PRKCE: variants seen among roughly 807,000 people sequenced by gnomAD.
The protein encoded by PRKCE is protein kinase C epsilon type.
Under a neutral mutation model 85.4 loss-of-function variants are expected in PRKCE, and 16 were observed. The ratio of observed to expected loss-of-function variants is 0.19; its 90% CI spans 0.13 to 0.28. The LOEUF (loss-of-function observed/expected upper bound fraction) is 0.28. Among genes scored for constraint, PRKCE ranks in the 10% least tolerant of loss-of-function variants. The probability of loss-of-function intolerance (pLI) is 1.00; values close to 1 mark genes in which losing one functional copy is unlikely to be tolerated. For missense variants in PRKCE, 573 were observed against 975.2 expected (o/e 0.59, Z 5.49); for synonymous variants, 388 against 371.5 (o/e 1.04, Z -0.51).
At chr2:45,867,951 G>A (rs970465134) in intron 2 of PRKCE, among the ~76,000 whole-genome samples, 2 of 152,060 alleles carry the variant, frequency 1.3e-5, no homozygotes, top group African/African-American at 2.4e-5. Flanking sequence ...TCACTAGTTG[G>A]CCACAGGAAG....
chr2:46,077,141 A>G (rs1668627170), intron 10 of PRKCE, among the ~76,000 whole-genome samples: 1 of 149,990 alleles, frequency 6.7e-6, no homozygotes, highest in Admixed American at 6.8e-5. Flanking sequence ...TGCAGATTTT[A>G]TGTTTTCTCT....
chr2:45,759,469 G>A (rs559881498), intron 1 of PRKCE, among the ~76,000 whole-genome samples: 65 of 152,306 alleles, frequency 4.3e-4, no homozygotes, highest in African/African-American at 1.2e-3. Context: ...GAGGCTTCCC[G>A]TGCATCTCAG....
chr2:45,850,711 C>T (rs1048549203), intron 2 of PRKCE, among the ~76,000 whole-genome samples: 1 of 152,176 alleles, frequency 6.6e-6, no homozygotes. Flanking sequence ...GCTGTTGACA[C>T]TGGGGCTTTT....
chr2:46,108,605 G>A (rs1360966140), intron 11 of PRKCE, among the ~76,000 whole-genome samples: 1 of 152,186 alleles, frequency 6.6e-6, no homozygotes, highest in African/African-American at 2.4e-5. Flanking sequence ...TCACCACAAT[G>A]CAGTATATCA....
rs146412391 is a variant in PRKCE, at chr2:45,976,287, C to T, written c.413-142C>T. 5,850 of 925,244 alleles carry T rather than the reference C, an allele frequency of 6.3e-3. 24 individuals are homozygous for T. Among genetic ancestry groups the T allele is most frequent in the Non-Finnish European group, 8.4e-3 (5,128 of 608,478 alleles). The allele number at this position is 925,244 out of a possible 1,614,324, so 57.3% of individuals were successfully genotyped here. On this transcript the variant is annotated intron_variant, in intron 2 of 14. Coordinates refer to ENST00000306156, the MANE Select transcript of PRKCE (RefSeq NM_005400.3). ...TGCTCAGTGGGACTCCTCAGACCCC[C>T]GAGTCCCTCCACACACAAAGGCTAC... is the stretch of plus-strand genomic sequence containing the variant.
intron 1 of PRKCE, among the ~76,000 whole-genome samples, chr2:45,800,089 A>G (rs987508547): frequency 6.6e-6 from 1 of 152,188 alleles, no homozygotes; most frequent in Admixed American, 6.5e-5. Context: ...AGTTTGTATA[A>G]TGCTGGGTAG....
intron 2 of PRKCE, among the ~76,000 whole-genome samples, chr2:45,894,173 G>A (rs530465681): frequency 6.6e-6 from 1 of 152,032 alleles, no homozygotes; most frequent in South Asian, 2.1e-4. Flanking sequence ...GAGAGTTGTT[G>A]TGGTATCAGT....
intron 10 of PRKCE, 97 bp downstream of exon 10, chr2:46,010,614 C>G: frequency 6.3e-7 from 1 of 1,599,062 alleles, no homozygotes; most frequent in Non-Finnish European, 8.5e-7. Flanking sequence ...CTCTCAAAGA[C>G]TTTGTAAAGT....
intron 2 of PRKCE, among the ~76,000 whole-genome samples, chr2:45,876,192 C>A (rs1417644319): frequency 1.3e-5 from 2 of 152,180 alleles, no homozygotes; most frequent in African/African-American, 4.8e-5. Flanking sequence ...AACAATCTTG[C>A]CTAAGTGGTT....
chr2:46,034,270 C>A (rs1334066264), intron 10 of PRKCE, among the ~76,000 whole-genome samples: 1 of 152,152 alleles, frequency 6.6e-6, no homozygotes, highest in African/African-American at 2.4e-5. Flanking sequence ...GGGCTGTCAC[C>A]TACCCCATAG....
intron 2 of PRKCE, among the ~76,000 whole-genome samples, chr2:45,896,640 G>A (rs528776709): frequency 3.3e-5 from 5 of 152,178 alleles, no homozygotes; most frequent in East Asian, 1.9e-4. Flanking sequence ...TCAAAGTAGC[G>A]CAGTGCATGT....
chr2:46,013,480 C>T (rs1450071503), intron 10 of PRKCE, among the ~76,000 whole-genome samples: 2 of 152,160 alleles, frequency 1.3e-5, no homozygotes, highest in African/African-American at 4.8e-5. Flanking sequence ...GAAGTGCGAT[C>T]AAGCCAGGCT....
At chr2:46,016,035 G>C (rs752210393) in intron 10 of PRKCE, among the ~76,000 whole-genome samples, 7 of 152,210 alleles carry the variant, frequency 4.6e-5, no homozygotes, top group Non-Finnish European at 1.0e-4. Context: ...TTAGAGAAAT[G>C]AGATCCGTGG....
intron 2 of PRKCE, among the ~76,000 whole-genome samples, chr2:45,880,586 T>G (rs1426952513): frequency 6.6e-6 from 1 of 152,056 alleles, no homozygotes; most frequent in African/African-American, 2.4e-5. Flanking sequence ...TATTTTTGAT[T>G]AAGACAGTCT....
intron 10 of PRKCE, among the ~76,000 whole-genome samples, chr2:46,079,673 TA>T (rs1668885437): frequency 1.3e-5 from 2 of 152,234 alleles, no homozygotes; most frequent in African/African-American, 4.8e-5. Context: ...ATGTAAGAGC[TA>T]TAAAATCTTT....
At chr2:46,070,297 T>C (rs774013200) in intron 10 of PRKCE, among the ~76,000 whole-genome samples, 1 of 152,208 alleles carries the variant, frequency 6.6e-6, no homozygotes, top group Non-Finnish European at 1.5e-5. Flanking sequence ...GGACCCTCAA[T>C]ACACATTTTT....
chr2:45,804,676 A>G, intron 1 of PRKCE, among the ~76,000 whole-genome samples: 1 of 152,218 alleles, frequency 6.6e-6, no homozygotes, highest in East Asian at 1.9e-4. Flanking sequence ...CTCAGAAAAC[A>G]ATTCAACTAT....
At chr2:45,693,545 A>T (rs1341627514) in intron 1 of PRKCE, among the ~76,000 whole-genome samples, 1 of 152,204 alleles carries the variant, frequency 6.6e-6, no homozygotes, top group African/African-American at 2.4e-5. Flanking sequence ...GAAGGTCGAG[A>T]GGAGATGGTC....
chr2:46,013,951 T>C (rs887719632), intron 10 of PRKCE, among the ~76,000 whole-genome samples: 10 of 152,172 alleles, frequency 6.6e-5, no homozygotes, highest in South Asian at 2.1e-4. Flanking sequence ...TATGAACCCA[T>C]TGGCATCAGT....
Sources: allele counts gnomAD v4.1 joint callset (sites outside exome capture counted in the v4.1 genomes callset), GRCh38; gene constraint gnomAD v4.1.1; transcripts MANE v1.5; gene names NCBI Gene and HGNC (gene_info 2026-07-23, HGNC 2026-07-21).